PRKCA: variants seen among roughly 807,000 people sequenced by gnomAD.
PRKCA encodes protein kinase C alpha.
PRKCA carries 27 observed loss-of-function variants against 87.0 expected under a neutral mutation model. The observed-to-expected ratio is 0.31, with a 90% CI of 0.23 to 0.43. PRKCA has a LOEUF of 0.43. Ranked by LOEUF, PRKCA falls within the 20% of genes least tolerant of loss-of-function variation. PRKCA has a pLI of 1.00. For missense variants in PRKCA, 518 were observed against 852.3 expected (o/e 0.61, Z 4.88); for synonymous variants, 329 against 311.1 (o/e 1.06, Z -0.61).
chr17:66,624,827 A>T (rs537466311), intron 3 of PRKCA, among the ~76,000 whole-genome samples: 251 of 145,674 alleles, frequency 1.7e-3, no homozygotes, highest in African/African-American at 6.2e-3. Flanking sequence ...AATAAATAAA[A>T]AGAATTATTT....
intron 2 of PRKCA, among the ~76,000 whole-genome samples, chr17:66,348,371 C>T (rs1352153257): frequency 1.3e-5 from 2 of 152,196 alleles, no homozygotes; most frequent in Non-Finnish European, 2.9e-5. Flanking sequence ...GGCACTGTCA[C>T]CTTGACTCAG....
At chr17:66,590,056 A>G (rs575506724) in intron 3 of PRKCA, among the ~76,000 whole-genome samples, 1 of 152,208 alleles carries the variant, frequency 6.6e-6, no homozygotes, top group Non-Finnish European at 1.5e-5. Flanking sequence ...TGTGCACCCC[A>G]GTTCCTAACA....
chr17:66,479,976 C>T (rs1598707193), intron 2 of PRKCA, among the ~76,000 whole-genome samples: 1 of 148,450 alleles, frequency 6.7e-6, no homozygotes, highest in African/African-American at 2.5e-5. Context: ...ACCCATATAA[C>T]CTGCATAGAT....
At chr17:66,484,253 T>C (rs1320897740) in intron 2 of PRKCA, among the ~76,000 whole-genome samples, 1 of 152,178 alleles carries the variant, frequency 6.6e-6, no homozygotes, top group Non-Finnish European at 1.5e-5. Flanking sequence ...TTATTTGAGC[T>C]ACAATTCAAG....
At chr17:66,535,083 T>C (rs1351095585) in intron 3 of PRKCA, among the ~76,000 whole-genome samples, 4 of 152,186 alleles carry the variant, frequency 2.6e-5, no homozygotes, top group Non-Finnish European at 2.9e-5. Flanking sequence ...ATCCCCAAAC[T>C]CTCTGAGACT....
chr17:66,495,624 C>T (rs1329175891), intron 2 of PRKCA, among the ~76,000 whole-genome samples: 5 of 148,678 alleles, frequency 3.4e-5, no homozygotes, highest in Non-Finnish European at 7.4e-5. Context: ...TGGATCTTGG[C>T]TCACTGCAAC....
chr17:66,801,874 T>G (rs1464547870), intron 16 of PRKCA, among the ~76,000 whole-genome samples: 1 of 152,152 alleles, frequency 6.6e-6, no homozygotes, highest in Non-Finnish European at 1.5e-5. Flanking sequence ...CACCATTCAT[T>G]GTGGTGTGAA....
At position 66,804,022 on chromosome 17, in the gene PRKCA, A is replaced by T. The variant is rs747321782; in HGVS notation, c.2004A>T (p.Leu668Phe). The T allele has an allele frequency of 6.2e-7, 1 of 1,612,874 alleles. No homozygotes were observed. Among genetic ancestry groups the T allele is most frequent in the South Asian group, 1.1e-5 (1 of 91,052 alleles). Residue 668 changes from leucine (L) to phenylalanine (F), a missense_variant, in exon 17 of 17, where the codon TTA (leucine) becomes TTT (phenylalanine). Physicochemically the swap from Leu to Phe is conservative, Grantham distance 22. Around this residue, in one of 5 missense-constraint regions of PRKCA, gnomAD observed 159 missense variants for 232.4 expected, o/e 0.68. Coordinates refer to ENST00000413366, the MANE Select transcript of PRKCA (RefSeq NM_002737.3). ...YVNPQFVHPI[L>F]QSAV ...ACCCCCAGTTTGTGCACCCCATCTT[A>T]CAGAGTGCAGTATGAAACTCACCAG...
At chr17:66,743,122 A>T (rs1363238594) in intron 13 of PRKCA, among the ~76,000 whole-genome samples, 1 of 152,220 alleles carries the variant, frequency 6.6e-6, no homozygotes, top group African/African-American at 2.4e-5. Flanking sequence ...TAAGGTCAGG[A>T]GTTCAAGACC....
chr17:66,345,696 G>T (rs1487791363), intron 2 of PRKCA, among the ~76,000 whole-genome samples: 1 of 152,104 alleles, frequency 6.6e-6, no homozygotes, highest in Non-Finnish European at 1.5e-5. Flanking sequence ...TAAAACTTGA[G>T]TTATTTCATC....
At chr17:66,377,452 C>A (rs1029999848) in intron 2 of PRKCA, among the ~76,000 whole-genome samples, 2 of 151,196 alleles carry the variant, frequency 1.3e-5, no homozygotes, top group Admixed American at 1.3e-4. Context: ...CCTAGGTACA[C>A]AGCTGCTTTT....
At chr17:66,736,354 T>C (rs2144216150) in intron 10 of PRKCA, among the ~76,000 whole-genome samples, 1 of 151,686 alleles carries the variant, frequency 6.6e-6, no homozygotes, top group Admixed American at 6.6e-5. Flanking sequence ...CTCTGCTCAA[T>C]GCAACCTCCA....
At chr17:66,516,435 C>T (rs918129392) in intron 3 of PRKCA, among the ~76,000 whole-genome samples, 14 of 151,946 alleles carry the variant, frequency 9.2e-5, no homozygotes, top group Non-Finnish European at 1.8e-4. Flanking sequence ...GGGTTCGAGA[C>T]GAGCCTGGCC....
chr17:66,715,485 T>TC (rs1973450502), intron 8 of PRKCA, among the ~76,000 whole-genome samples: 1 of 151,978 alleles, frequency 6.6e-6, no homozygotes, highest in African/African-American at 2.4e-5. Context: ...CTGCCTCCCT[T>TC]CCCCCCAGGC....
chr17:66,789,107 A>C, intron 16 of PRKCA, 128 bp downstream of exon 16: 1 of 1,187,464 alleles, frequency 8.4e-7, no homozygotes, highest in Non-Finnish European at 1.2e-6. Context: ...GAAACGGGCC[A>C]GGTTTCAGCC....
At chr17:66,687,066 G>T in intron 5 of PRKCA, 45 bp from the exon 6 acceptor site, 1 of 1,527,792 alleles carries the variant, frequency 6.5e-7, no homozygotes, top group Non-Finnish European at 9.0e-7. Flanking sequence ...GGGCAATATA[G>T]GTCTGTTCTC....
At chr17:66,515,811 T>A (rs781387057) in intron 3 of PRKCA, among the ~76,000 whole-genome samples, 7 of 152,214 alleles carry the variant, frequency 4.6e-5, no homozygotes, top group Non-Finnish European at 1.0e-4. Context: ...TTGCAGAGTG[T>A]TGGGATTACA....
chr17:66,304,001 C>CA (rs1216816654), intron 1 of PRKCA, among the ~76,000 whole-genome samples: 17 of 151,574 alleles, frequency 1.1e-4, no homozygotes, highest in East Asian at 1.9e-4. Flanking sequence ...GATTCCGTCT[C>CA]AAAAAAAATG....
chr17:66,757,515 CA>C lies in PRKCA; in HGVS notation c.1524+14756del, dbSNP rs765675480. On this transcript the variant is annotated intron_variant, in intron 13 of 16. Transcript: ENST00000413366. Reference sequence around the variant, plus strand: ...GGGAAGCCCAGAGCGGGGAAAGCAACACGTTACCTAAAGAAGGGCAAAGACA... The same window carrying C: ...GGGAAGCCCAGAGCGGGGAAAGCAACCGTTACCTAAAGAAGGGCAAAGACA... 1.2e-3 allele frequency among the ~76,000 whole-genome samples: 176 copies of C among 141,032 alleles called. 1 individual carries two copies. Among genetic ancestry groups the C allele is most frequent in the Non-Finnish European group, 1.3e-3 (85 of 66,294 alleles). The allele number at this position is 141,032 out of a possible 152,430, so 92.5% of individuals were successfully genotyped here.
Sources: gnomAD v4.1 joint callset for allele counts (sites outside exome capture counted in the v4.1 genomes callset) on GRCh38, gnomAD v4.1.1 for gene constraint, gnomAD v4.1.1 regional missense constraint, MANE v1.5 for transcripts, NCBI Gene and HGNC (gene_info 2026-07-23, HGNC 2026-07-21) for gene names.